Variants in ERCC6L2 observed in about 807,000 individuals in gnomAD.
The protein encoded by ERCC6L2 is DNA excision repair protein ERCC-6-like 2.
ERCC6L2 carries 77 observed loss-of-function variants against 132.0 expected under a neutral mutation model. The observed-to-expected ratio is 0.58, with a 90% confidence interval of 0.49 to 0.71. The LOEUF is 0.71. ERCC6L2 is among the 30% of genes least tolerant of loss of function. The pLI is 0.00. For missense variants in ERCC6L2, 1,542 were observed against 1,837.6 expected (o/e 0.84, Z 2.94); for synonymous variants, 583 against 632.4 (o/e 0.92, Z 1.17).
chr9:96,024,399 T>C (rs1382902707), intron 19 of ERCC6L2, among the ~76,000 whole-genome samples: 1 of 152,256 alleles, frequency 6.6e-6, no homozygotes, highest in Admixed American at 6.5e-5. Context: ...GACCTCAACT[T>C]GCTTTCCTAG....
At chr9:95,890,469 GT>G (rs1429731019) in intron 2 of ERCC6L2, among the ~76,000 whole-genome samples, 1 of 152,140 alleles carries the variant, frequency 6.6e-6, no homozygotes, top group East Asian at 1.9e-4. Context: ...CAAAGTCTTT[GT>G]GATAAGTCCT....
intron 11 of ERCC6L2, among the ~76,000 whole-genome samples, chr9:95,931,653 T>A (rs935481777): frequency 6.6e-6 from 1 of 152,202 alleles, no homozygotes; most frequent in African/African-American, 2.4e-5. Flanking sequence ...CTTGCAGCAT[T>A]GTTTTCTGAT....
intron 16 of ERCC6L2, among the ~76,000 whole-genome samples, chr9:95,976,819 C>A (rs1034641751): frequency 6.6e-6 from 1 of 152,040 alleles, no homozygotes; most frequent in African/African-American, 2.4e-5. Context: ...TGACTTATTC[C>A]CCAAAAACTA....
intron 2 of ERCC6L2, among the ~76,000 whole-genome samples, chr9:95,895,707 CAT>C (rs1564201081): frequency 6.6e-6 from 1 of 151,028 alleles, no homozygotes. Context: ...CCTTCTGACT[CAT>C]ATACATTTGT....
chr9:95,991,635 G>C (rs1360534014), intron 17 of ERCC6L2, among the ~76,000 whole-genome samples: 1 of 152,186 alleles, frequency 6.6e-6, no homozygotes. Flanking sequence ...GCTTTCAAGT[G>C]AAAGTTAAAA....
intron 2 of ERCC6L2, among the ~76,000 whole-genome samples, chr9:95,895,153 G>C (rs1435235370): frequency 1.3e-5 from 2 of 151,968 alleles, no homozygotes; most frequent in African/African-American, 2.4e-5. Context: ...ATTTCCAAGT[G>C]AACTAATTTT....
rs777663791 is a variant in ERCC6L2, at chr9:95,916,406, A to G, written c.1130A>G (p.Lys377Arg). The change falls in exon 6 of 19, where the codon AAG becomes AGG. Residue 377 changes from lysine (K) to arginine (R), a missense_variant. Around this residue, in one of 4 missense-constraint regions of ERCC6L2, gnomAD observed 945 missense variants for 1,105.2 expected, o/e 0.86. Transcript: ENST00000653738. ...CTCAGGCGCACCAAGACTCTTATCA[A>G]GGATCAGTTGCCTAAGAAGGAAGAC... ...WFLRRTKTLI[K>R]DQLPKKEDRM... The G allele has an allele frequency of 1.1e-4, 177 of 1,585,604 alleles. No homozygotes were observed. Among genetic ancestry groups the G allele is most frequent in the Non-Finnish European group, 1.5e-4 (170 of 1,170,704 alleles).
At chr9:95,965,387 A>G (rs1284230710) in intron 13 of ERCC6L2, among the ~76,000 whole-genome samples, 3 of 152,226 alleles carry the variant, frequency 2.0e-5, no homozygotes, top group African/African-American at 7.2e-5. Context: ...GAGTATGGAA[A>G]TAAAATGCTA....
intron 11 of ERCC6L2, among the ~76,000 whole-genome samples, chr9:95,935,568 G>A (rs1830517947): frequency 6.6e-6 from 1 of 152,190 alleles, no homozygotes. Flanking sequence ...TGCAGGGTAG[G>A]AGGAGGCACA....
chr9:95,917,860 A>G (rs1214378301), intron 6 of ERCC6L2, among the ~76,000 whole-genome samples: 1 of 152,180 alleles, frequency 6.6e-6, no homozygotes, highest in African/African-American at 2.4e-5. Context: ...GTTACTCTGA[A>G]ATGCATGACA....
downstream of ERCC6L2, chr9:96,021,779 G>C (rs1025146296): frequency 1.4e-5 from 2 of 142,130 alleles, no homozygotes; most frequent in African/African-American, 2.5e-5. The surrounding 1 kb of genome is among the most constrained non-coding windows in gnomAD (Gnocchi z 4.7). Context: ...GGGAGGGCGG[G>C]AGGGCGGAGG....
chr9:95,952,609 G>C (rs112260727), intron 12 of ERCC6L2, among the ~76,000 whole-genome samples: 1 of 152,078 alleles, frequency 6.6e-6, no homozygotes, highest in African/African-American at 2.4e-5. Context: ...ACGTTGGCTC[G>C]TGCCTCTTGA....
intron 17 of ERCC6L2, among the ~76,000 whole-genome samples, chr9:96,000,905 G>A (rs572138649): frequency 7.2e-5 from 11 of 152,330 alleles, no homozygotes; most frequent in African/African-American, 1.9e-4. Flanking sequence ...GAATGAAGCC[G>A]TGGACCCTCG....
At position 95,918,874 on chromosome 9, in the gene ERCC6L2, G is replaced by GT. The variant is rs549023466; in HGVS notation, c.1159-2290dup. The stretch of plus-strand genomic sequence containing the variant: ...ATTTCTCAACCTACAAATTGTGTCT[G>GT]TTTTTTTTTTTAAGACGGAGTCTCA... On this transcript the variant is annotated intron_variant, in intron 6 of 18. Coordinates refer to ENST00000653738, the MANE Select transcript of ERCC6L2 (RefSeq NM_020207.7). Among the ~76,000 whole-genome samples, 902 of 147,140 alleles carry GT rather than the reference G, an allele frequency of 6.1e-3. 12 individuals are homozygous for GT. Among genetic ancestry groups the GT allele is most frequent in the African/African-American group, 0.018 (717 of 40,306 alleles).
At chr9:95,924,522 A>G (rs918339431) in intron 9 of ERCC6L2, among the ~76,000 whole-genome samples, 1 of 152,094 alleles carries the variant, frequency 6.6e-6, no homozygotes, top group Non-Finnish European at 1.5e-5. Flanking sequence ...AGCACTTACT[A>G]TCCCACAGTT....
intron 3 of ERCC6L2, among the ~76,000 whole-genome samples, chr9:95,901,902 T>C (rs1258786501): frequency 6.6e-6 from 1 of 152,216 alleles, no homozygotes; most frequent in East Asian, 1.9e-4. Context: ...TAAATTTGTA[T>C]TGGTTCATTT....
intron 1 of ERCC6L2, among the ~76,000 whole-genome samples, chr9:95,879,616 T>G (rs963471304): frequency 1.3e-5 from 2 of 152,212 alleles, no homozygotes; most frequent in African/African-American, 4.8e-5. Flanking sequence ...GTCAACAGTT[T>G]GGGTCCAGAG....
Position 95,974,722 on chromosome 9 carries a change from T to TTGTGTGTGTGTG in ERCC6L2, c.3337+1648_3337+1659dup, listed in dbSNP as rs139478214. Among the ~76,000 whole-genome samples the TTGTGTGTGTGTG allele has an allele frequency of 2.7e-3, 403 of 149,804 alleles. 1 individual carries two copies. Among genetic ancestry groups the TTGTGTGTGTGTG allele is most frequent in the African/African-American group, 9.5e-3 (386 of 40,746 alleles). ...TTTTGGGCCTTTTCAGTGGCCAGAT[T>TTGTGTGTGTGTG]TGTGTGTGTGTGTGTGTGTGTGTGT... On this transcript the variant is annotated intron_variant, in intron 16 of 18. Coordinates refer to ENST00000653738, the MANE Select transcript of ERCC6L2 (RefSeq NM_020207.7).
At position 95,922,380 on chromosome 9, in the gene ERCC6L2, G is replaced by C. The variant is rs146551545; in HGVS notation, c.1375G>C (p.Val459Leu). The C allele has an allele frequency of 6.2e-7, 1 of 1,613,306 alleles. No homozygotes were observed. Among genetic ancestry groups the C allele is most frequent in the Admixed American group, 1.7e-5 (1 of 59,992 alleles). Residue 459 changes from valine to leucine, a missense_variant, in exon 8 of 19, where the codon GTC (valine) becomes CTC (leucine). By Grantham distance (32) the Val-to-Leu change is conservative. Transcript: ENST00000653738. Reference sequence around the variant, plus strand: ...AGTCCTTCAGAAGGTAGCTAACCATGTCGCGCTACTGCAAGCTGCTAGTAC... The same window carrying C: ...AGTCCTTCAGAAGGTAGCTAACCATCTCGCGCTACTGCAAGCTGCTAGTAC... ...LTVLQKVANH[V>L]ALLQAASTSK...
Sources: gnomAD v4.1 joint callset for allele counts (sites outside exome capture counted in the v4.1 genomes callset) on GRCh38, gnomAD v4.1.1 for gene constraint, gnomAD v4.1.1 regional missense constraint, Gnocchi (gnomAD v3.1) non-coding constraint, MANE v1.5 for transcripts, NCBI Gene and HGNC (gene_info 2026-07-23, HGNC 2026-07-21) for gene names.